Variants in PDE1A observed in about 807,000 individuals in gnomAD.
PDE1A encodes dual specificity calcium/calmodulin-dependent 3',5'-cyclic nucleotide phosphodiesterase 1A.
In PDE1A, 35 loss-of-function variants were observed where a neutral mutation model predicts 61.7. The ratio of observed to expected loss-of-function variants is 0.57; its 90% CI spans 0.43 to 0.75. The LOEUF (loss-of-function observed/expected upper bound fraction) is 0.75. Among genes scored for constraint, PDE1A ranks in the 30% least tolerant of loss-of-function variants. The probability of loss-of-function intolerance (pLI) is 0.00; values close to 1 mark genes in which losing one functional copy is unlikely to be tolerated. For missense variants in PDE1A, 597 were observed against 630.6 expected (o/e 0.95, Z 0.57); for synonymous variants, 232 against 213.2 (o/e 1.09, Z -0.77).
intron 1 of PDE1A, among the ~76,000 whole-genome samples, chr2:182,323,354 T>C (rs748710130): frequency 2.6e-5 from 4 of 152,218 alleles, no homozygotes; most frequent in Non-Finnish European, 5.9e-5. Flanking sequence ...AGAGATTAGC[T>C]ATTTCTATCA....
At chr2:182,369,963 T>C (rs1419038643) in intron 1 of PDE1A, among the ~76,000 whole-genome samples, 1 of 152,000 alleles carries the variant, frequency 6.6e-6, no homozygotes, top group African/African-American at 2.4e-5. Context: ...TCACCTGAGG[T>C]CAGGAGATCA....
At chr2:182,242,281 A>G (rs1690576379) in intron 2 of PDE1A, among the ~76,000 whole-genome samples, 1 of 152,254 alleles carries the variant, frequency 6.6e-6, no homozygotes, top group Non-Finnish European at 1.5e-5. Context: ...GATATTCCAC[A>G]TAGTAGAGTG....
At chr2:182,259,651 A>T (rs183934069) in intron 2 of PDE1A, among the ~76,000 whole-genome samples, 1 of 152,236 alleles carries the variant, frequency 6.6e-6, no homozygotes, top group East Asian at 1.9e-4. Flanking sequence ...TGAACAACCT[A>T]CTCTTTCTGA....
chr2:182,660,309 T>G, the PDE1A span, among the ~76,000 whole-genome samples: 2 of 152,192 alleles, frequency 1.3e-5, no homozygotes, highest in Non-Finnish European at 2.9e-5. Context: ...AAGAAAATGC[T>G]TCTCTGAGAG....
At chr2:182,678,596 T>A in the PDE1A span, among the ~76,000 whole-genome samples, 11 of 152,132 alleles carry the variant, frequency 7.2e-5, no homozygotes, top group Non-Finnish European at 1.6e-4. Flanking sequence ...AGATTTCAGG[T>A]ATATTATTTA....
chr2:182,669,299 A>G, the PDE1A span, among the ~76,000 whole-genome samples: 6 of 152,196 alleles, frequency 3.9e-5, no homozygotes, highest in Non-Finnish European at 7.3e-5. Flanking sequence ...TTTTAATACA[A>G]TAGCCCAGTA....
chr2:182,438,340 T>C (rs1684574182), intron 2 of PDE1A, among the ~76,000 whole-genome samples: 1 of 152,006 alleles, frequency 6.6e-6, no homozygotes, highest in African/African-American at 2.4e-5. Context: ...TGCGTTCAGC[T>C]TACTAAGAAG....
chr2:182,400,219 A>C (rs1344656956), intron 1 of PDE1A, among the ~76,000 whole-genome samples: 1 of 152,172 alleles, frequency 6.6e-6, no homozygotes, highest in Non-Finnish European at 1.5e-5. Context: ...TGATAAAAGA[A>C]GGTTCCATGT....
chr2:182,169,657 T>C (rs116695641), intron 13 of PDE1A, among the ~76,000 whole-genome samples: 427 of 152,162 alleles, frequency 2.8e-3, no homozygotes, highest in African/African-American at 9.8e-3. Flanking sequence ...ATCTAAGAGT[T>C]ACTCCAAGAC....
intron 7 of PDE1A, among the ~76,000 whole-genome samples, chr2:182,212,243 CTATATA>C (rs74547026): frequency 6.7e-6 from 1 of 149,714 alleles, no homozygotes; most frequent in Non-Finnish European, 1.5e-5. Flanking sequence ...ATATATCTTT[CTATATA>C]TATATATGTA....
chr2:182,166,339 A>G (rs1451713091), downstream of PDE1A, among the ~76,000 whole-genome samples: 1 of 152,122 alleles, frequency 6.6e-6, no homozygotes, highest in African/African-American at 2.4e-5. Context: ...AGCAGGTAGA[A>G]AAAGGGAGAC....
intron 1 of PDE1A, among the ~76,000 whole-genome samples, chr2:182,376,350 A>T (rs1700403933): frequency 6.6e-6 from 1 of 152,172 alleles, no homozygotes; most frequent in Admixed American, 6.5e-5. Context: ...TCCCTACATC[A>T]TCTCTCTCAA....
chr2:182,627,871 G>A, the PDE1A span, among the ~76,000 whole-genome samples: 1 of 150,804 alleles, frequency 6.6e-6, no homozygotes, highest in South Asian at 2.1e-4. Context: ...TTGAACCCGG[G>A]AGGTGGAGGT....
intron 4 of PDE1A, among the ~76,000 whole-genome samples, chr2:182,232,497 A>T (rs987863063): frequency 3.9e-5 from 6 of 152,336 alleles, no homozygotes; most frequent in Admixed American, 3.9e-4. Context: ...AAAAGTATTC[A>T]GTCTCTTTTA....
chr2:182,421,885 A>G (rs1315754392), intron 1 of PDE1A, among the ~76,000 whole-genome samples: 1 of 152,226 alleles, frequency 6.6e-6, no homozygotes, highest in Non-Finnish European at 1.5e-5. Context: ...AAACAAAATT[A>G]GGATGTGCTT....
Position 182,213,118 on chromosome 2 carries a change from C to T in PDE1A, c.777-7053G>A, listed in dbSNP as rs556103142. On this transcript the variant is annotated intron_variant, in intron 7 of 13. Transcript: ENST00000351439. ...AAGTGGGTCCCTGACCCCTGACCCC[C>T]GAGCAGCCTAACTGGGAGGCACCCC... Among the ~76,000 whole-genome samples, 48 of 149,422 alleles carry T rather than the reference C, an allele frequency of 3.2e-4. 1 individual carries two copies. Among genetic ancestry groups the T allele is most frequent in the Non-Finnish European group, 5.2e-4 (35 of 67,272 alleles).
chr2:182,577,992 G>GGAAC, the PDE1A span, among the ~76,000 whole-genome samples: 27 of 148,328 alleles, frequency 1.8e-4, no homozygotes, highest in African/African-American at 6.3e-4. Context: ...AAGGAAGGAA[G>GGAAC]GGACGGAGGG....
intron 1 of PDE1A, among the ~76,000 whole-genome samples, chr2:182,324,820 G>T (rs1381020271): frequency 6.6e-6 from 1 of 152,138 alleles, no homozygotes; most frequent in Non-Finnish European, 1.5e-5. Flanking sequence ...GTCAGCTGAA[G>T]TTAGTCACTC....
chr2:182,680,356 A>C, the PDE1A span, among the ~76,000 whole-genome samples: 1 of 151,972 alleles, frequency 6.6e-6, no homozygotes, highest in Non-Finnish European at 1.5e-5. Flanking sequence ...GACTACAGGG[A>C]TGCATCACCA....
Sources: gnomAD v4.1 joint callset for allele counts (sites outside exome capture counted in the v4.1 genomes callset) on GRCh38, gnomAD v4.1.1 for gene constraint, MANE v1.5 for transcripts, NCBI Gene and HGNC (gene_info 2026-07-23, HGNC 2026-07-21) for gene names.